CDK17: variants seen among roughly 807,000 people sequenced by gnomAD.
CDK17 encodes cyclin-dependent kinase 17.
Under a neutral mutation model 77.6 loss-of-function variants are expected in CDK17, and 24 were observed. That is an observed-to-expected ratio of 0.31 (90% CI 0.22 to 0.44). The LOEUF (loss-of-function observed/expected upper bound fraction) is 0.44, where lower values mean the gene tolerates loss of function less well. Ranked by LOEUF, CDK17 falls within the 20% of genes least tolerant of loss-of-function variation. The pLI, the probability that CDK17 is intolerant of heterozygous loss-of-function variation, is 1.00. For synonymous variants in CDK17, 203 were observed against 210.4 expected, an observed-to-expected ratio of 0.96 and a Z score of 0.30; for missense variants, 429 against 622.5, an observed-to-expected ratio of 0.69 and a Z score of 3.31.
At position 96,377,895 on chromosome 12, in the gene CDK17, G is replaced by A. The variant is rs553343225; in HGVS notation, c.-30+22091C>T. Reference sequence around the variant, plus strand: ...TTTTTAGTAGAGACAGGGTTTCACCGTGTTAGCCAGGATGGTCTTGATCTC... The same window carrying A: ...TTTTTAGTAGAGACAGGGTTTCACCATGTTAGCCAGGATGGTCTTGATCTC... On this transcript the variant is annotated intron_variant, in intron 1 of 16. Transcript: ENST00000261211. 2.0e-4 allele frequency among the ~76,000 whole-genome samples: 31 copies of A among 152,116 alleles called. No individual in the cohort carries two copies. In the South Asian group the frequency reaches 3.9e-3, roughly 19 times the overall value.
At chr12:96,397,461 A>G (rs1456143024) in intron 1 of CDK17, among the ~76,000 whole-genome samples, 1 of 152,136 alleles carries the variant, frequency 6.6e-6, no homozygotes, top group African/African-American at 2.4e-5. Flanking sequence ...CATTATTTCA[A>G]ATACCTAACA....
At chr12:96,310,251 A>C (rs959815424) in intron 5 of CDK17, among the ~76,000 whole-genome samples, 1 of 152,164 alleles carries the variant, frequency 6.6e-6, no homozygotes, top group Non-Finnish European at 1.5e-5. Context: ...TAACTTCCAT[A>C]CATACTGGGA....
intron 1 of CDK17, among the ~76,000 whole-genome samples, chr12:96,368,270 C>T (rs913060582): frequency 6.6e-6 from 1 of 152,200 alleles, no homozygotes; most frequent in Non-Finnish European, 1.5e-5. Flanking sequence ...TTAGATGTGG[C>T]TATATCTTCC....
chr12:96,301,258 A>AC (rs1485019672), intron 5 of CDK17, among the ~76,000 whole-genome samples: 1 of 150,626 alleles, frequency 6.6e-6, no homozygotes, highest in African/African-American at 2.4e-5. Context: ...AAAAAAAAAA[A>AC]ACAAACAAAC....
rs1952243855 is a variant in CDK17 at position 96,286,145 on chromosome 12, G to A, written c.1220C>T (p.Thr407Ile). ...ELHLIFRLLGTPSQETWPGIS... is the reference protein window; with the variant it reads ...ELHLIFRLLGIPSQETWPGIS... ...ACCTGGCCAAGTTTCCTGAGATGGA[G>A]TTCCTGAATTAAAAAAAAAAATTAA... The change falls in exon 13 of 17, where the codon ACT becomes ATT. Residue 407 changes from threonine (T) to isoleucine (I), a missense_variant. Around this residue, in one of 4 missense-constraint regions of CDK17, gnomAD observed 51 missense variants for 96.5 expected, o/e 0.53. Transcript: ENST00000261211. 2 of 1,238,658 alleles carry A rather than the reference G, an allele frequency of 1.6e-6. No individual in the cohort carries two copies. Among genetic ancestry groups the A allele is most frequent in the Non-Finnish European group, 1.1e-6 (1 of 939,622 alleles). 76.7% of individuals were successfully genotyped at this position (1,238,658 alleles called of 1,614,324 possible).
intron 1 of CDK17, among the ~76,000 whole-genome samples, chr12:96,389,364 C>A (rs887152794): frequency 1.3e-5 from 2 of 152,012 alleles, no homozygotes; most frequent in South Asian, 2.1e-4. Context: ...AAACATATAA[C>A]CAATTCTAAA....
At chr12:96,302,147 T>C (rs1489606875) in intron 5 of CDK17, among the ~76,000 whole-genome samples, 1 of 152,132 alleles carries the variant, frequency 6.6e-6, no homozygotes, top group Non-Finnish European at 1.5e-5. Flanking sequence ...TGACTCAGTA[T>C]TAAGTCCTTC....
At chr12:96,344,508 T>C (rs1953170441) in intron 1 of CDK17, among the ~76,000 whole-genome samples, 1 of 152,156 alleles carries the variant, frequency 6.6e-6, no homozygotes, top group Admixed American at 6.5e-5. Context: ...TGATGTGTCA[T>C]CATAAACTGT....
intron 11 of CDK17, among the ~76,000 whole-genome samples, chr12:96,287,312 T>G (rs1165273350): frequency 6.6e-6 from 1 of 152,044 alleles, no homozygotes; most frequent in Non-Finnish European, 1.5e-5. Flanking sequence ...AGGATGGTGG[T>G]TCAGAGAATA....
At chr12:96,288,515 G>A (rs1316274338) in intron 11 of CDK17, among the ~76,000 whole-genome samples, 1 of 152,118 alleles carries the variant, frequency 6.6e-6, no homozygotes, top group Admixed American at 6.5e-5. Context: ...TAGTGAGTAT[G>A]CCATTTTGCT....
intron 13 of CDK17, among the ~76,000 whole-genome samples, chr12:96,285,444 G>T (rs1040998718): frequency 6.6e-6 from 1 of 152,006 alleles, no homozygotes; most frequent in Non-Finnish European, 1.5e-5. Flanking sequence ...TCAAAATTTG[G>T]GGGGGTTGGG....
At chr12:96,346,458 T>A (rs201148224) in intron 1 of CDK17, among the ~76,000 whole-genome samples, 3 of 3,334 alleles carry the variant, frequency 9.0e-4, no homozygotes, top group African/African-American at 2.9e-3. Context: ...TCTCAAAAAA[T>A]AAATAAATAA....
chr12:96,371,383 ACCT>A (rs1953690779), intron 1 of CDK17, among the ~76,000 whole-genome samples: 1 of 151,956 alleles, frequency 6.6e-6, no homozygotes, highest in Admixed American at 6.6e-5. Flanking sequence ...CCCTTTAACC[ACCT>A]CCTAACTCCA....
intron 11 of CDK17, 127 bp downstream of exon 11, chr12:96,289,040 A>T: frequency 1.1e-6 from 1 of 935,160 alleles, no homozygotes; most frequent in East Asian, 2.7e-5. Flanking sequence ...AGAACTCATT[A>T]ATCACTGTTA....
intron 1 of CDK17, among the ~76,000 whole-genome samples, chr12:96,377,977 G>A (rs548037589): frequency 1.3e-5 from 2 of 152,342 alleles, no homozygotes; most frequent in South Asian, 2.1e-4. Flanking sequence ...ACAGGCGTGA[G>A]CCACTGCGCC....
chr12:96,378,866 C>A (rs1366412241), intron 1 of CDK17, among the ~76,000 whole-genome samples: 2 of 151,998 alleles, frequency 1.3e-5, no homozygotes. Flanking sequence ...AAGGAAAACA[C>A]TGGAAGGATA....
rs144904536 is a variant in CDK17 at position 96,392,955 on chromosome 12, C to T, written c.-30+7031G>A. On this transcript the variant is annotated intron_variant, in intron 1 of 16. Coordinates refer to ENST00000261211, the MANE Select transcript of CDK17 (RefSeq NM_002595.5). ...AATTATATTGTTACAACACAGATAA[C>T]GGCTAATACAATATTGAGGACGTAA... Among the ~76,000 whole-genome samples the T allele has an allele frequency of 9.9e-4, 150 of 152,216 alleles. 4 individuals carry two copies. In the East Asian group the frequency reaches 0.026, roughly 27 times the overall value.
intron 13 of CDK17, among the ~76,000 whole-genome samples, chr12:96,284,921 C>T (rs1270389627): frequency 6.6e-6 from 1 of 152,152 alleles, no homozygotes; most frequent in Non-Finnish European, 1.5e-5. Context: ...CTATCTTACA[C>T]TGCCTTTCAC....
intron 5 of CDK17, among the ~76,000 whole-genome samples, chr12:96,305,275 G>A (rs1485457827): frequency 6.6e-6 from 1 of 152,162 alleles, no homozygotes; most frequent in Non-Finnish European, 1.5e-5. Context: ...TGGTATCCTG[G>A]AGGGAGTATC....
Sources: gnomAD v4.1 joint callset for allele counts (sites outside exome capture counted in the v4.1 genomes callset) on GRCh38, gnomAD v4.1.1 for gene constraint, gnomAD v4.1.1 regional missense constraint, MANE v1.5 for transcripts, NCBI Gene and HGNC (gene_info 2026-07-23, HGNC 2026-07-21) for gene names.